Variants in MYH11 observed in about 807,000 individuals in gnomAD.
MYH11 encodes the protein myosin heavy chain 11.
In MYH11, 80 loss-of-function variants were observed where a neutral mutation model predicts 246.6. That is an observed-to-expected ratio of 0.32 (90% CI 0.27 to 0.39). MYH11 has a LOEUF of 0.39. Among genes scored for constraint, MYH11 ranks in the 10% least tolerant of loss-of-function variants. The pLI is 1.00. For missense variants in MYH11, 2,158 were observed against 2,546.8 expected (o/e 0.85, Z 3.29); for synonymous variants, 1,071 against 1,015.5 (o/e 1.05, Z -1.04).
intron 9 of MYH11, among the ~76,000 whole-genome samples, chr16:15,764,669 T>G (rs570782712): frequency 6.6e-6 from 1 of 152,232 alleles, no homozygotes; most frequent in Non-Finnish European, 1.5e-5. Context: ...AAGGTGCATG[T>G]GGGAGCTTCC....
chr16:15,773,892 T>C (rs1356389832), intron 8 of MYH11, among the ~76,000 whole-genome samples: 1 of 152,204 alleles, frequency 6.6e-6, no homozygotes, highest in Non-Finnish European at 1.5e-5. Context: ...ATTTCCTTTG[T>C]TGTTGTTCAG....
At chr16:15,784,673 C>T (rs769597708) in intron 5 of MYH11, 7 of 1,613,524 alleles carry the variant, frequency 4.3e-6, no homozygotes, top group Non-Finnish European at 5.1e-6. Flanking sequence ...CCCTACACAC[C>T]AGGAAAACAC....
chr16:15,736,540 A>G (rs1440632356), intron 25 of MYH11, among the ~76,000 whole-genome samples: 1 of 152,190 alleles, frequency 6.6e-6, no homozygotes, highest in East Asian at 1.9e-4. Flanking sequence ...CGGCTTCCCA[A>G]AGTGCTGAGA....
chr16:15,714,836 G>A (rs960931021), intron 40 of MYH11, 73 bp downstream of exon 40: 211 of 1,586,528 alleles, frequency 1.3e-4, no homozygotes, highest in Non-Finnish European at 1.7e-4. Flanking sequence ...TTTGCAGGCC[G>A]AAAGGAGCCC....
intron 4 of MYH11, among the ~76,000 whole-genome samples, chr16:15,789,226 C>G (rs770897463): frequency 6.6e-6 from 1 of 152,058 alleles, no homozygotes; most frequent in Non-Finnish European, 1.5e-5. Flanking sequence ...TACATTTCAC[C>G]AAGTTGTTCC....
intron 10 of MYH11, 55 bp downstream of exon 10, chr16:15,763,741 T>TCGGCCCCCCCCCCCCCCC: frequency 4.6e-6 from 3 of 646,856 alleles, no homozygotes; most frequent in African/African-American, 2.1e-5. Flanking sequence ...AAATGTCACC[T>TCGGCCCCCCCCCCCCCCC]CCCCCACCCC....
chr16:15,837,815 A>G (rs1428484245), intron 2 of MYH11, 93 bp downstream of exon 2: 3 of 1,197,844 alleles, frequency 2.5e-6, no homozygotes, highest in African/African-American at 3.0e-5. Flanking sequence ...GAGTACAGGC[A>G]TGAGCCACTG....
At position 15,821,023 on chromosome 16, in the gene MYH11, T is replaced by C. The variant is rs117025765; in HGVS notation, c.502+2232A>G. ...AAGAAGTGGGACTACAGGTATGTGCTACCACACCAAAGTAATTTTTGTATT... is the reference window on the plus strand; with the variant it reads ...AAGAAGTGGGACTACAGGTATGTGCCACCACACCAAAGTAATTTTTGTATT... On this transcript the variant is annotated intron_variant, in intron 3 of 40. Coordinates refer to ENST00000300036, the MANE Select transcript of MYH11 (RefSeq NM_002474.3). 4.7e-3 allele frequency among the ~76,000 whole-genome samples: 716 copies of C among 152,224 alleles called. 4 individuals are homozygous for C. The highest frequency in any genetic ancestry group is 6.7e-3 in the Non-Finnish European group (457 of 68,004).
At chr16:15,839,410 C>T (rs776767904) in intron 1 of MYH11, among the ~76,000 whole-genome samples, 7 of 151,814 alleles carry the variant, frequency 4.6e-5, no homozygotes, top group South Asian at 4.2e-4. Flanking sequence ...AAGGTAATGG[C>T]GGCCGGGCGC....
At chr16:15,796,494 C>T (rs1425704913) in intron 4 of MYH11, among the ~76,000 whole-genome samples, 1 of 152,172 alleles carries the variant, frequency 6.6e-6, no homozygotes, top group African/African-American at 2.4e-5. Flanking sequence ...ACACTTAATT[C>T]ATTCACTCAA....
At chr16:15,760,708 G>T in intron 10 of MYH11, 50 bp from the exon 11 acceptor site, 1 of 1,261,080 alleles carries the variant, frequency 7.9e-7, no homozygotes, top group Non-Finnish European at 1.2e-6. Context: ...GAAATAGCTT[G>T]GCAAGAAGAC....
intron 3 of MYH11, among the ~76,000 whole-genome samples, chr16:15,799,661 T>A (rs1448522959): frequency 6.6e-6 from 1 of 152,242 alleles, no homozygotes; most frequent in Non-Finnish European, 1.5e-5. Flanking sequence ...CAAAGAGAGA[T>A]CTGAGAACAG....
rs369948777 is a variant in MYH11 at position 15,750,673 on chromosome 16, G to A, written c.1865-342C>T. Among the ~76,000 whole-genome samples the A allele has an allele frequency of 2.6e-5, 4 of 152,064 alleles. No homozygotes were observed. The South Asian group carries it at 6.2e-4, about 24-fold the overall frequency. On this transcript the variant is annotated intron_variant, in intron 15 of 40. Transcript: ENST00000300036. The surrounding 1 kb of genome is among the most constrained non-coding windows in gnomAD (Gnocchi z 4.3). ...GTAATAATACCGTCTACCTTCTAGGGCAGGGGTAAAAAAAAATAAGGCACA... is the reference window on the plus strand; with the variant it reads ...GTAATAATACCGTCTACCTTCTAGGACAGGGGTAAAAAAAAATAAGGCACA...
intron 3 of MYH11, among the ~76,000 whole-genome samples, chr16:15,800,851 A>G (rs1231103262): frequency 6.6e-6 from 1 of 152,076 alleles, no homozygotes; most frequent in Non-Finnish European, 1.5e-5. Context: ...TCAAGACAAA[A>G]GGCCTAAAGA....
At chr16:15,737,125 G>C (rs2041141189) in intron 25 of MYH11, among the ~76,000 whole-genome samples, 1 of 152,130 alleles carries the variant, frequency 6.6e-6, no homozygotes, top group South Asian at 2.1e-4. Flanking sequence ...GGTGGAAATT[G>C]ACTCATTGGG....
At chr16:15,730,641 A>AT (rs2040933337) in intron 27 of MYH11, among the ~76,000 whole-genome samples, 1 of 152,154 alleles carries the variant, frequency 6.6e-6, no homozygotes, top group South Asian at 2.1e-4. Flanking sequence ...ATTCCCCAAA[A>AT]TTTTTAGGCA....
intron 1 of MYH11, among the ~76,000 whole-genome samples, chr16:15,841,899 G>T (rs181411306): frequency 6.6e-6 from 1 of 152,212 alleles, no homozygotes; most frequent in South Asian, 2.1e-4. Flanking sequence ...TAATCCCCAC[G>T]CTTGGGCCCC....
intron 2 of MYH11, among the ~76,000 whole-genome samples, chr16:15,828,476 A>G (rs566586394): frequency 6.6e-6 from 1 of 152,114 alleles, no homozygotes; most frequent in Non-Finnish European, 1.5e-5. Flanking sequence ...TGACCCACAC[A>G]CTACTGTATC....
At chr16:15,771,357 G>A (rs1233749586) in intron 9 of MYH11, among the ~76,000 whole-genome samples, 6 of 151,568 alleles carry the variant, frequency 4.0e-5, no homozygotes, top group South Asian at 2.1e-4. Context: ...AAGCCAGCTC[G>A]GGTTACTTGC....
Sources: gnomAD v4.1 joint callset for allele counts (sites outside exome capture counted in the v4.1 genomes callset) on GRCh38, gnomAD v4.1.1 for gene constraint, Gnocchi (gnomAD v3.1) non-coding constraint, MANE v1.5 for transcripts, NCBI Gene and HGNC (gene_info 2026-07-23, HGNC 2026-07-21) for gene names.